The following VWA3B variants were observed in gnomAD, a reference collection of about 807,000 sequenced individuals.
VWA3B encodes the protein von Willebrand factor A domain containing 3B.
Under a neutral mutation model 158.3 loss-of-function variants are expected in VWA3B, and 138 were observed. The ratio of observed to expected loss-of-function variants is 0.87; its 90% confidence interval spans 0.76 to 1.00. VWA3B has a LOEUF of 1.00. Ranked by LOEUF, VWA3B falls within the 50% of genes least tolerant of loss-of-function variation. The pLI is 0.00. For synonymous variants in VWA3B, 596 were observed against 587.3 expected (o/e 1.01, Z -0.21); for missense variants, 1,555 against 1,565.1 (o/e 0.99, Z 0.11).
chr2:98,305,359 A>G (rs970283246), intron 26 of VWA3B, among the ~76,000 whole-genome samples: 1 of 152,114 alleles, frequency 6.6e-6, no homozygotes, highest in African/African-American at 2.4e-5. Context: ...ATGGGTAACT[A>G]TAGGGGGAAG....
At chr2:98,134,164 A>G (rs1274090331) in intron 7 of VWA3B, among the ~76,000 whole-genome samples, 1 of 152,224 alleles carries the variant, frequency 6.6e-6, no homozygotes, top group Non-Finnish European at 1.5e-5. Context: ...ATGTGTGTTT[A>G]CTAACTTGAG....
rs1678747581 is a variant in VWA3B at position 98,162,946 on chromosome 2, C to G, written c.1084C>G (p.Pro362Ala). 5.6e-6 allele frequency: 9 copies of G among 1,614,134 alleles called. No homozygotes were observed. Among genetic ancestry groups the G allele is most frequent in the Non-Finnish European group, 7.6e-6 (9 of 1,180,052 alleles). The change falls in exon 8 of 28, where the codon CCC becomes GCC. Residue 362 changes from proline (P) to alanine (A), a missense_variant. By Grantham distance (27) the Pro-to-Ala change is conservative. Coordinates refer to ENST00000477737, the MANE Select transcript of VWA3B (RefSeq NM_144992.5). ...GATCCAGAGGCTGGTGGCCGAGCCTCCCAAGCCCGACGTGGCCACTGTGGA... is the reference window on the plus strand; with the variant it reads ...GATCCAGAGGCTGGTGGCCGAGCCTGCCAAGCCCGACGTGGCCACTGTGGA... ...AQIQRLVAEP[P>A]KPDVATVDCE...
intron 16 of VWA3B, among the ~76,000 whole-genome samples, chr2:98,232,237 T>C (rs1010189255): frequency 1.3e-5 from 2 of 152,222 alleles, no homozygotes; most frequent in Non-Finnish European, 2.9e-5. Flanking sequence ...AATTGGTCTA[T>C]TGTTTCTAAT....
chr2:98,275,516 G>A (rs17427531), intron 22 of VWA3B, among the ~76,000 whole-genome samples: 5,916 of 152,270 alleles, frequency 0.039, 170 homozygotes, highest in Middle Eastern at 0.075. Flanking sequence ...CCTGAGTAGC[G>A]TCACACAGCT....
At position 98,304,819 on chromosome 2, in the gene VWA3B, C is replaced by T. The variant is rs368266855; in HGVS notation, c.3521+1017C>T. Among the ~76,000 whole-genome samples, 36 of 152,252 alleles carry T rather than the reference C, an allele frequency of 2.4e-4. No homozygotes were observed. In the South Asian group the frequency reaches 7.1e-3, roughly 30 times the overall value. ...CAGGTTGGCCTCCTGTTCACACACA[C>T]GCAGCACCCACAAACACACACACTC... is the stretch of plus-strand genomic sequence containing the variant. On this transcript the variant is annotated intron_variant, in intron 26 of 27. Coordinates refer to ENST00000477737, the MANE Select transcript of VWA3B (RefSeq NM_144992.5).
chr2:98,236,893 A>C, intron 19 of VWA3B, 163 bp downstream of exon 19: 1 of 1,075,128 alleles, frequency 9.3e-7, no homozygotes, highest in Non-Finnish European at 1.3e-6. Context: ...GGCTTTTAAG[A>C]ATTTGGGCGC....
At chr2:98,200,542 C>CA (rs35030422) in intron 12 of VWA3B, among the ~76,000 whole-genome samples, 3,396 of 93,450 alleles carry the variant, frequency 0.036, 65 homozygotes, top group Middle Eastern at 0.068. Flanking sequence ...GACTCCATCT[C>CA]AAAAAAAAAA....
chr2:98,178,207 C>G (rs139721201), intron 8 of VWA3B, among the ~76,000 whole-genome samples: 1 of 152,036 alleles, frequency 6.6e-6, no homozygotes, highest in Admixed American at 6.5e-5. Context: ...CTTGAGCTCC[C>G]GGAGAAGCGT....
At chr2:98,227,632 G>T (rs960292945) in intron 14 of VWA3B, among the ~76,000 whole-genome samples, 2 of 152,024 alleles carry the variant, frequency 1.3e-5, no homozygotes, top group African/African-American at 2.4e-5. Context: ...AATGAAGAAA[G>T]TCAGGAAAAA....
chr2:98,273,403 T>A (rs1688324821), intron 22 of VWA3B, among the ~76,000 whole-genome samples: 1 of 152,230 alleles, frequency 6.6e-6, no homozygotes, highest in Non-Finnish European at 1.5e-5. Flanking sequence ...AGGTCATATG[T>A]CTAGTAATGT....
At chr2:98,309,227 T>TA (rs1298572856) in intron 26 of VWA3B, among the ~76,000 whole-genome samples, 3 of 151,758 alleles carry the variant, frequency 2.0e-5, no homozygotes, top group African/African-American at 7.3e-5. Context: ...GATTTATTTT[T>TA]AAAAAAATAA....
At chr2:98,237,184 C>T (rs577614990) in intron 19 of VWA3B, among the ~76,000 whole-genome samples, 1 of 152,266 alleles carries the variant, frequency 6.6e-6, no homozygotes, top group South Asian at 2.1e-4. Flanking sequence ...TCAAAAACAA[C>T]GAAAATAAGA....
At chr2:98,214,194 G>GA (rs566784318) in intron 13 of VWA3B, among the ~76,000 whole-genome samples, 3 of 137,070 alleles carry the variant, frequency 2.2e-5, no homozygotes, top group South Asian at 4.6e-4. Flanking sequence ...CTGTCTCTAA[G>GA]AAAAAAACAA....
intron 7 of VWA3B, among the ~76,000 whole-genome samples, chr2:98,149,454 T>C (rs980129556): frequency 7.2e-5 from 11 of 152,354 alleles, no homozygotes; most frequent in African/African-American, 2.6e-4. Context: ...AGGTTTCTCA[T>C]TGGCCGCTTG....
At chr2:98,273,490 T>C (rs1387947170) in intron 22 of VWA3B, among the ~76,000 whole-genome samples, 1 of 152,198 alleles carries the variant, frequency 6.6e-6, no homozygotes, top group African/African-American at 2.4e-5. Flanking sequence ...CCCAGACATT[T>C]CTCTGTCGAT....
At chr2:98,198,134 A>G (rs566404666) in intron 12 of VWA3B, among the ~76,000 whole-genome samples, 67 of 152,226 alleles carry the variant, frequency 4.4e-4, no homozygotes, top group Non-Finnish European at 8.5e-4. Context: ...CAAACAAATC[A>G]TGCGTTCATA....
At position 98,292,820 on chromosome 2, in the gene VWA3B, C is replaced by T. The variant is rs1029356447; in HGVS notation, c.3157+2198C>T. On this transcript the variant is annotated intron_variant, in intron 23 of 27. Transcript: ENST00000477737. ...TTTCTACTAAAAATACAGAATTAGC[C>T]GGACGTGGTGGCGGGCACCTGTAAT... Among the ~76,000 whole-genome samples, 4 of 151,866 alleles carry T rather than the reference C, an allele frequency of 2.6e-5. No individual in the cohort carries two copies. The East Asian group carries it at 7.8e-4, about 29-fold the overall frequency.
the VWA3B span, among the ~76,000 whole-genome samples, chr2:98,328,146 G>A: frequency 1.2e-4 from 19 of 152,068 alleles, no homozygotes; most frequent in Admixed American, 1.2e-3. Flanking sequence ...AGTTTTGTGT[G>A]TGTTACTGCC....
chr2:98,305,906 T>C (rs983056701), intron 26 of VWA3B, among the ~76,000 whole-genome samples: 4 of 151,972 alleles, frequency 2.6e-5, no homozygotes, highest in African/African-American at 9.7e-5. Flanking sequence ...CAGAGCCCCA[T>C]CCCCATCACC....
Sources: allele counts gnomAD v4.1 joint callset (sites outside exome capture counted in the v4.1 genomes callset), GRCh38; gene constraint gnomAD v4.1.1; transcripts MANE v1.5; gene names NCBI Gene and HGNC (gene_info 2026-07-23, HGNC 2026-07-21).